The following ARMC8 variants were observed in gnomAD, a reference collection of about 807,000 sequenced individuals.
ARMC8 encodes armadillo repeat-containing protein 8.
A neutral mutation model predicts 99.3 loss-of-function variants in ARMC8; 20 were observed. The observed-to-expected ratio is 0.20, with a 90% CI of 0.14 to 0.29. ARMC8 has a LOEUF of 0.29. Ranked by LOEUF, ARMC8 falls within the 10% of genes least tolerant of loss-of-function variation. ARMC8 has a pLI of 1.00. For missense variants in ARMC8, 569 were observed against 809.5 expected (o/e 0.70, Z 3.60); for synonymous variants, 263 against 278.3 (o/e 0.95, Z 0.55).
Position 138,187,442 on chromosome 3 carries a change from C to A in ARMC8, c.-113C>A. The stretch of plus-strand genomic sequence containing the variant: ...AGCGGTGTCCAGAGCGTGGCCAGTT[C>A]TCGTCTATCTGGCTGCCTTTAGGGA... On this transcript the variant is annotated 5_prime_UTR_variant, in exon 1 of 22. Coordinates refer to ENST00000469044, the MANE Select transcript of ARMC8 (RefSeq NM_001363941.2). 1 of 1,124,984 alleles carries A rather than the reference C, an allele frequency of 8.9e-7. No individual in the cohort carries two copies. Among genetic ancestry groups the A allele is most frequent in the Non-Finnish European group, 1.3e-6 (1 of 782,854 alleles). 69.7% of individuals were successfully genotyped at this position (1,124,984 alleles called of 1,614,324 possible).
intron 21 of ARMC8, among the ~76,000 whole-genome samples, chr3:138,293,252 A>G (rs956320479): frequency 1.3e-5 from 2 of 152,146 alleles, no homozygotes; most frequent in Non-Finnish European, 2.9e-5. Context: ...GCTAAAGAAG[A>G]ATAACTAGGC....
chr3:138,243,155 A>C (rs1458258259), intron 11 of ARMC8, among the ~76,000 whole-genome samples: 1 of 152,250 alleles, frequency 6.6e-6, no homozygotes, highest in Non-Finnish European at 1.5e-5. Flanking sequence ...TTTGATGGCC[A>C]TGAGAGTAAG....
At chr3:138,266,807 G>A (rs919227668) in intron 14 of ARMC8, among the ~76,000 whole-genome samples, 4 of 152,042 alleles carry the variant, frequency 2.6e-5, no homozygotes, top group African/African-American at 9.7e-5. Flanking sequence ...ACTCATAAGG[G>A]GCTTGACTGA....
At chr3:138,261,698 G>C (rs2047760814) in intron 12 of ARMC8, 1 of 152,174 alleles carries the variant, frequency 6.6e-6, no homozygotes, top group African/African-American at 2.4e-5. Context: ...TTTTAAACAG[G>C]ATTGAAAATG....
intron 12 of ARMC8, among the ~76,000 whole-genome samples, chr3:138,248,686 G>T (rs560760499): frequency 3.9e-5 from 6 of 152,236 alleles, no homozygotes; most frequent in Middle Eastern, 6.8e-3. Context: ...AGGACCTGTC[G>T]ATCACCAGTT....
At chr3:138,228,317 C>G (rs909912727) in intron 5 of ARMC8, among the ~76,000 whole-genome samples, 19 of 152,296 alleles carry the variant, frequency 1.2e-4, no homozygotes, top group Admixed American at 1.0e-3. Flanking sequence ...GAGAGACTTG[C>G]AGCAGAGTGG....
At chr3:138,291,109 C>T (rs748561354) in intron 21 of ARMC8, among the ~76,000 whole-genome samples, 1 of 152,246 alleles carries the variant, frequency 6.6e-6, no homozygotes, top group Non-Finnish European at 1.5e-5. Flanking sequence ...GAGTTATAAT[C>T]AGATACTCAG....
intron 12 of ARMC8, among the ~76,000 whole-genome samples, chr3:138,259,593 A>G (rs1175181644): frequency 1.3e-5 from 2 of 152,156 alleles, no homozygotes; most frequent in African/African-American, 2.4e-5. Context: ...TTACTGAATT[A>G]TCTCCATTAC....
At position 138,235,054 on chromosome 3, in the gene ARMC8, T is replaced by G; in HGVS notation, c.549T>G (p.Ile183Met). The G allele has an allele frequency of 6.2e-7, 1 of 1,613,900 alleles. No individual in the cohort carries two copies. Among genetic ancestry groups the G allele is most frequent in the Non-Finnish European group, 8.5e-7 (1 of 1,179,872 alleles). Residue 183 changes from isoleucine (I) to methionine (M), a missense_variant, in exon 7 of 22, where the codon ATT (isoleucine) becomes ATG (methionine). Coordinates refer to ENST00000469044, the MANE Select transcript of ARMC8 (RefSeq NM_001363941.2). ...TACAGGGGCCAGATCATCAAACAAT[T>G]TTATTTAACCACGGTGCAGTTCAGA... Reference protein sequence around the residue: ...HCCKGPDHQTILFNHGAVQNI... With the variant: ...HCCKGPDHQTMLFNHGAVQNI...
intron 3 of ARMC8, among the ~76,000 whole-genome samples, chr3:138,222,439 GC>G (rs780634707): frequency 6.6e-6 from 1 of 152,028 alleles, no homozygotes; most frequent in Non-Finnish European, 1.5e-5. Flanking sequence ...TTTACAACTT[GC>G]TGTTTTTTAA....
chr3:138,221,995 A>G lies in ARMC8; in HGVS notation c.192A>G (p.Pro64=), dbSNP rs2045425885. 6.2e-7 allele frequency: 1 copy of G among 1,612,826 alleles called. No individual in the cohort carries two copies. The highest frequency in any genetic ancestry group is 8.5e-7 in the Non-Finnish European group (1 of 1,178,980). The part of the protein sequence containing the change: ...KANLIVLGAV[P]RLLYLLQQET... ...ATCTCATTGTTTTAGGAGCTGTTCC[A>G]AGGTATGTTTGCTGTCTCACCCCTT... The change falls in exon 3 of 22, where the codon CCA becomes CCG. Residue 64 remains proline (P), a splice_region_variant and synonymous_variant. Transcript: ENST00000469044.
chr3:138,240,749 T>C (rs1159316726), intron 10 of ARMC8, among the ~76,000 whole-genome samples: 2 of 152,210 alleles, frequency 1.3e-5, no homozygotes, highest in African/African-American at 4.8e-5. Flanking sequence ...TTGCCTGCAG[T>C]ATTTGAGGAA....
chr3:138,219,526 T>C (rs904522413), intron 2 of ARMC8, among the ~76,000 whole-genome samples: 6 of 152,142 alleles, frequency 3.9e-5, no homozygotes, highest in African/African-American at 1.4e-4. Context: ...ATAACTACAC[T>C]CTGGGAACTG....
At chr3:138,295,731 G>C (rs964551521) in intron 21 of ARMC8, 128 bp from the exon 22 acceptor site, 126 of 965,166 alleles carry the variant, frequency 1.3e-4, no homozygotes, top group Middle Eastern at 2.2e-4. Context: ...GTGCCCACCT[G>C]GGCTCACCCC....
At chr3:138,189,287 T>G (rs977945037) in intron 1 of ARMC8, among the ~76,000 whole-genome samples, 1 of 152,068 alleles carries the variant, frequency 6.6e-6, no homozygotes, top group Non-Finnish European at 1.5e-5. Flanking sequence ...CTTTTTTTTT[T>G]CTTTAATTAA....
chr3:138,201,570 T>G (rs2044082801), intron 1 of ARMC8, among the ~76,000 whole-genome samples: 1 of 148,358 alleles, frequency 6.7e-6, no homozygotes, highest in Non-Finnish European at 1.5e-5. Flanking sequence ...CAAGCGATTC[T>G]CGTGCCTCAG....
Position 138,228,907 on chromosome 3 carries a change from T to G in ARMC8, c.436-11T>G. 1 of 1,587,986 alleles carries G rather than the reference T, an allele frequency of 6.3e-7. No individual in the cohort carries two copies. Among genetic ancestry groups the G allele is most frequent in the Non-Finnish European group, 8.6e-7 (1 of 1,159,392 alleles). On this transcript the variant is annotated splice_polypyrimidine_tract_variant and intron_variant, in intron 5 of 21. Coordinates refer to ENST00000469044, the MANE Select transcript of ARMC8 (RefSeq NM_001363941.2). ...GCCTGAGTTTCTTGTTGCTGTGTTC[T>G]CCTTCCCTAGGATGCCACAGTGATA... is the stretch of plus-strand genomic sequence containing the variant.
At chr3:138,283,125 G>A (rs1221163805) in intron 18 of ARMC8, among the ~76,000 whole-genome samples, 1 of 152,162 alleles carries the variant, frequency 6.6e-6, no homozygotes, top group African/African-American at 2.4e-5. Context: ...CATGTCTACT[G>A]TGTCTCAGAG....
upstream of ARMC8, chr3:138,187,291 A>T (rs1457519992): frequency 2.4e-6 from 1 of 421,422 alleles, no homozygotes; most frequent in Non-Finnish European, 4.2e-6. Context: ...GCATGCGGAA[A>T]CCGCTGCCCG....
Sources: gnomAD v4.1 joint callset for allele counts (sites outside exome capture counted in the v4.1 genomes callset) on GRCh38, gnomAD v4.1.1 for gene constraint, MANE v1.5 for transcripts, NCBI Gene and HGNC (gene_info 2026-07-23, HGNC 2026-07-21) for gene names.